CREB5: variants seen among roughly 807,000 people sequenced by gnomAD.
The protein encoded by CREB5 is cAMP responsive element binding protein 5.
In CREB5, 19 loss-of-function variants were observed where a neutral mutation model predicts 57.1. The observed-to-expected ratio is 0.33, with a 90% CI of 0.23 to 0.49. CREB5 has a LOEUF of 0.49. Ranked by LOEUF, CREB5 falls within the 20% of genes least tolerant of loss-of-function variation. CREB5 has a pLI of 0.99. For synonymous variants in CREB5, 238 were observed against 238.3 expected (o/e 1.00, Z 0.01); for missense variants, 579 against 671.6 (o/e 0.86, Z 1.52).
intron 1 of CREB5, among the ~76,000 whole-genome samples, chr7:28,461,576 A>C (rs1790352084): frequency 6.6e-6 from 1 of 152,142 alleles, no homozygotes; most frequent in African/African-American, 2.4e-5. Flanking sequence ...TGAGTAATGA[A>C]ATATGTATAT....
chr7:28,495,152 T>C (rs183600793), intron 3 of CREB5, among the ~76,000 whole-genome samples, 153 bp downstream of exon 3: 55 of 152,324 alleles, frequency 3.6e-4, no homozygotes, highest in Non-Finnish European at 5.7e-4. Flanking sequence ...CAGGTAATAT[T>C]CACCCAAGTG....
At chr7:28,605,052 A>T (rs1054048088) in intron 5 of CREB5, among the ~76,000 whole-genome samples, 4 of 152,096 alleles carry the variant, frequency 2.6e-5, no homozygotes, top group African/African-American at 9.7e-5. Context: ...ATTAAAAAAA[A>T]GAGATAACAT....
chr7:28,793,253 G>A (rs1011153101), intron 7 of CREB5, among the ~76,000 whole-genome samples: 2 of 152,060 alleles, frequency 1.3e-5, no homozygotes, highest in Non-Finnish European at 2.9e-5. Flanking sequence ...TTTTCCCAAG[G>A]AGAAAAAGCA....
intron 3 of CREB5, among the ~76,000 whole-genome samples, chr7:28,505,496 A>G (rs1489736925): frequency 6.6e-6 from 1 of 152,200 alleles, no homozygotes; most frequent in African/African-American, 2.4e-5. Flanking sequence ...TTTTTGAAAG[A>G]TGAGGAATAT....
chr7:28,394,373 A>G (rs1410357058), intron 1 of CREB5, among the ~76,000 whole-genome samples: 1 of 152,198 alleles, frequency 6.6e-6, no homozygotes, highest in African/African-American at 2.4e-5. Flanking sequence ...GGCTTAAGTA[A>G]GCCAAGTAAA....
At chr7:28,430,291 A>T (rs780362725) in intron 1 of CREB5, among the ~76,000 whole-genome samples, 13 of 152,224 alleles carry the variant, frequency 8.5e-5, no homozygotes, top group Non-Finnish European at 1.9e-4. Flanking sequence ...ACGAATGTGT[A>T]TCAAGCTGAG....
chr7:28,318,750 G>A (rs1035641537), intron 1 of CREB5, among the ~76,000 whole-genome samples: 14 of 152,174 alleles, frequency 9.2e-5, no homozygotes, highest in African/African-American at 3.4e-4. Flanking sequence ...TAGACTCTTA[G>A]AAGAGGCACA....
chr7:28,722,414 A>G (rs116313871), intron 6 of CREB5, among the ~76,000 whole-genome samples: 1 of 152,156 alleles, frequency 6.6e-6, no homozygotes, highest in Admixed American at 6.5e-5. Flanking sequence ...TCTCCCATCC[A>G]CCAGCCTCTG....
At chr7:28,477,230 G>A (rs1009820722) in intron 1 of CREB5, among the ~76,000 whole-genome samples, 3 of 152,200 alleles carry the variant, frequency 2.0e-5, no homozygotes, top group Admixed American at 6.5e-5. Context: ...CCCATCAAGG[G>A]CAGCCACAAT....
intron 7 of CREB5, among the ~76,000 whole-genome samples, chr7:28,746,635 A>T (rs1046765593): frequency 2.0e-5 from 3 of 152,222 alleles, no homozygotes; most frequent in African/African-American, 7.2e-5. Context: ...TAACTTTAGC[A>T]GTTGTTAGAG....
intron 5 of CREB5, among the ~76,000 whole-genome samples, chr7:28,633,410 T>C (rs1465708740): frequency 6.6e-6 from 1 of 152,118 alleles, no homozygotes; most frequent in African/African-American, 2.4e-5. Context: ...TAATGAAATA[T>C]AGAAAATCAA....
intron 1 of CREB5, among the ~76,000 whole-genome samples, chr7:28,381,255 C>T (rs76308079): frequency 0.053 from 8,026 of 152,244 alleles, 313 homozygotes; most frequent in Non-Finnish European, 0.073. Context: ...TGTTAAACAT[C>T]TTTTAACCCC....
At chr7:28,437,373 TCCTTTCTTGGTA>T (rs774495544) in intron 1 of CREB5, among the ~76,000 whole-genome samples, 8,454 of 152,170 alleles carry the variant, frequency 0.056, 417 homozygotes, top group East Asian at 0.21. Context: ...CATGGGAGCC[TCCTTTCTTGGTA>T]CTCCGAATCA....
intron 7 of CREB5, among the ~76,000 whole-genome samples, chr7:28,763,561 T>C (rs1486428564): frequency 6.6e-6 from 1 of 152,106 alleles, no homozygotes; most frequent in Admixed American, 6.6e-5. Flanking sequence ...TAAAAGCGAG[T>C]CTTGCTACAA....
intron 1 of CREB5, among the ~76,000 whole-genome samples, chr7:28,388,889 T>G (rs990669339): frequency 2.6e-5 from 4 of 152,190 alleles, no homozygotes; most frequent in Non-Finnish European, 5.9e-5. Context: ...TGTCACAAGG[T>G]CATTTGATAT....
intron 7 of CREB5, among the ~76,000 whole-genome samples, chr7:28,752,929 G>A (rs1255404203): frequency 6.6e-6 from 1 of 150,788 alleles, no homozygotes. Flanking sequence ...TAGTGGGAAG[G>A]TCAGGAAAAT....
chr7:28,561,821 G>A (rs1195919069), intron 4 of CREB5, among the ~76,000 whole-genome samples: 3 of 152,228 alleles, frequency 2.0e-5, no homozygotes, highest in Non-Finnish European at 4.4e-5. Context: ...TCAGCTCATT[G>A]CAACTTCTGC....
At position 28,560,807 on chromosome 7, in the gene CREB5, CGCGT is replaced by C. The variant is rs1432257106; in HGVS notation, c.292-9556_292-9553del. Among the ~76,000 whole-genome samples the C allele has an allele frequency of 4.9e-3, 74 of 15,104 alleles. 14 individuals carry two copies. The highest frequency in any genetic ancestry group is 0.036 in the Middle Eastern group (1 of 28). 9.9% of individuals were successfully genotyped at this position (15,104 alleles called of 152,430 possible). On this transcript the variant is annotated intron_variant, in intron 4 of 10. Transcript: ENST00000357727. ...TTTCTCTGCTTCCACAGTGTGTGTG[CGCGT>C]GTGTGTGTGTGCGCGCGCGCGCGTG...
At chr7:28,467,302 G>A (rs1011582402) in intron 1 of CREB5, among the ~76,000 whole-genome samples, 4 of 152,204 alleles carry the variant, frequency 2.6e-5, no homozygotes, top group Non-Finnish European at 5.9e-5. Context: ...AGGGTCATTA[G>A]GACTGGCCAT....
Sources: allele counts gnomAD v4.1 joint callset (sites outside exome capture counted in the v4.1 genomes callset), GRCh38; gene constraint gnomAD v4.1.1; transcripts MANE v1.5; gene names NCBI Gene and HGNC (gene_info 2026-07-23, HGNC 2026-07-21).